KCTD8: variants seen among roughly 807,000 people sequenced by gnomAD.
KCTD8 encodes potassium channel tetramerization domain containing 8.
In KCTD8, 27 loss-of-function variants were observed where a neutral mutation model predicts 31.5. The observed-to-expected ratio is 0.86, with a 90% confidence interval of 0.63 to 1.18. KCTD8 has a LOEUF of 1.18. Ranked by LOEUF, KCTD8 falls within the 50% of genes most tolerant of loss-of-function variation. The pLI, the probability that KCTD8 is intolerant of heterozygous loss-of-function variation, is 0.00. For synonymous variants in KCTD8, 290 were observed against 280.0 expected (o/e 1.04, Z -0.36); for missense variants, 658 against 647.7 (o/e 1.02, Z -0.17).
At chr4:44,441,403 C>T (rs542926939) in intron 1 of KCTD8, among the ~76,000 whole-genome samples, 1 of 152,050 alleles carries the variant, frequency 6.6e-6, no homozygotes, top group Non-Finnish European at 1.5e-5. Flanking sequence ...CATAAAATAA[C>T]CCTTCCAGCA....
chr4:44,256,823 C>T (rs2109363833), intron 1 of KCTD8, among the ~76,000 whole-genome samples: 1 of 152,018 alleles, frequency 6.6e-6, no homozygotes, highest in East Asian at 1.9e-4. Flanking sequence ...AAAGGCAGCC[C>T]TGACAACTCA....
At chr4:44,206,608 T>C (rs1714317070) in intron 1 of KCTD8, among the ~76,000 whole-genome samples, 2 of 152,194 alleles carry the variant, frequency 1.3e-5, no homozygotes, top group Non-Finnish European at 2.9e-5. Context: ...TCCTTTGCCC[T>C]CTGGGAGCCA....
In KCTD8 at chr4:44,416,153, C is replaced by A. The variant is rs183594154; in HGVS notation, c.961+31410G>T. On this transcript the variant is annotated intron_variant, in intron 1 of 1. Coordinates refer to ENST00000360029, the MANE Select transcript of KCTD8 (RefSeq NM_198353.3). ...TTTCGAGCTATAAGATTTAATGATGCCCTGCTAGATTTCAGATTTTTATGG... is the reference window on the plus strand; with the variant it reads ...TTTCGAGCTATAAGATTTAATGATGACCTGCTAGATTTCAGATTTTTATGG... Among the ~76,000 whole-genome samples the A allele has an allele frequency of 9.1e-4, 139 of 152,312 alleles. 1 individual carries two copies. Among genetic ancestry groups the A allele is most frequent in the African/African-American group, 3.1e-3 (127 of 41,574 alleles).
intron 1 of KCTD8, among the ~76,000 whole-genome samples, chr4:44,256,881 G>A (rs968705409): frequency 6.6e-6 from 1 of 151,958 alleles, no homozygotes; most frequent in Non-Finnish European, 1.5e-5. Context: ...AATTTGTATT[G>A]TTGAAGCCAC....
intron 1 of KCTD8, among the ~76,000 whole-genome samples, chr4:44,266,211 A>G (rs963618401): frequency 7.2e-5 from 11 of 152,224 alleles, no homozygotes; most frequent in African/African-American, 2.7e-4. Flanking sequence ...GAAACTCTAC[A>G]AGCCAGAAGA....
intron 1 of KCTD8, among the ~76,000 whole-genome samples, chr4:44,204,356 C>T (rs1312693526): frequency 1.3e-5 from 2 of 151,952 alleles, no homozygotes; most frequent in Admixed American, 1.3e-4. Flanking sequence ...GGCACCACAC[C>T]CTGGGCCTAG....
intron 1 of KCTD8, among the ~76,000 whole-genome samples, chr4:44,411,675 C>G (rs1320068198): frequency 6.6e-6 from 1 of 151,980 alleles, no homozygotes; most frequent in Non-Finnish European, 1.5e-5. Context: ...GGGATGAAAT[C>G]ATACTGGAGT....
chr4:44,335,895 A>C (rs1018499861), intron 1 of KCTD8, among the ~76,000 whole-genome samples: 1 of 152,080 alleles, frequency 6.6e-6, no homozygotes, highest in Non-Finnish European at 1.5e-5. Flanking sequence ...TCACGCCTGT[A>C]ATCCCAGCAC....
At chr4:44,208,783 T>A (rs1280140027) in intron 1 of KCTD8, among the ~76,000 whole-genome samples, 3 of 152,168 alleles carry the variant, frequency 2.0e-5, no homozygotes, top group Non-Finnish European at 4.4e-5. Flanking sequence ...AAGCAAAGGC[T>A]GCATCATTAC....
chr4:44,176,197 T>C (rs1210798685), intron 1 of KCTD8, among the ~76,000 whole-genome samples: 2 of 152,200 alleles, frequency 1.3e-5, no homozygotes, highest in African/African-American at 2.4e-5. Flanking sequence ...AGTCAAACTT[T>C]TGAACAAGTT....
chr4:44,288,244 A>C (rs1193097914), intron 1 of KCTD8, among the ~76,000 whole-genome samples: 1 of 152,164 alleles, frequency 6.6e-6, no homozygotes, highest in East Asian at 1.9e-4. Context: ...TCTAATGTGA[A>C]GGTATAAATC....
In KCTD8 at chr4:44,175,003, T is replaced by TG. The variant is rs1405683830; in HGVS notation, c.1208dup (p.Pro404ThrfsTer8). The TG allele has an allele frequency of 6.2e-7, 1 of 1,614,116 alleles. No individual in the cohort carries two copies. Among genetic ancestry groups the TG allele is most frequent in the South Asian group, 1.1e-5 (1 of 91,084 alleles). On this transcript the variant is annotated frameshift_variant, in exon 2 of 2. Transcript: ENST00000360029. LOFTEE classifies it high-confidence loss of function. Reference sequence around the variant, plus strand: ...GTTCACTGTTTCTGCGTTTGTCTGGTGGGGGTATCCATTGTACAGGTGCTT... The same window carrying TG: ...GTTCACTGTTTCTGCGTTTGTCTGGTGGGGGGTATCCATTGTACAGGTGCTT...
intron 1 of KCTD8, among the ~76,000 whole-genome samples, chr4:44,380,775 G>A (rs1196732050): frequency 6.6e-6 from 1 of 151,736 alleles, no homozygotes; most frequent in Non-Finnish European, 1.5e-5. Flanking sequence ...TATGTTTTAT[G>A]TCTAGATTGA....
At chr4:44,293,693 T>G (rs1408359479) in intron 1 of KCTD8, 3 of 381,850 alleles carry the variant, frequency 7.9e-6, no homozygotes, top group African/African-American at 2.1e-5. Context: ...TGAGGGAAAT[T>G]TTTTAAAACC....
At chr4:44,330,686 A>G (rs987332556) in intron 1 of KCTD8, among the ~76,000 whole-genome samples, 1 of 151,922 alleles carries the variant, frequency 6.6e-6, no homozygotes, top group African/African-American at 2.4e-5. Context: ...GCCTCGGTGA[A>G]TATGTCTATA....
At chr4:44,187,752 G>C (rs1384125875) in intron 1 of KCTD8, among the ~76,000 whole-genome samples, 1 of 152,162 alleles carries the variant, frequency 6.6e-6, no homozygotes, top group African/African-American at 2.4e-5. Context: ...AACATGTCTG[G>C]TGGCTCCGGG....
chr4:44,371,376 C>G (rs537518590), intron 1 of KCTD8, among the ~76,000 whole-genome samples: 2 of 152,252 alleles, frequency 1.3e-5, no homozygotes, highest in African/African-American at 4.8e-5. Flanking sequence ...GCCATTACAA[C>G]CACAAAACTT....
chr4:44,198,499 A>G (rs1226648311), intron 1 of KCTD8, among the ~76,000 whole-genome samples: 1 of 152,152 alleles, frequency 6.6e-6, no homozygotes, highest in Admixed American at 6.5e-5. Flanking sequence ...TTGGGGGCAT[A>G]TTTTCAGCAT....
At chr4:44,186,479 G>A (rs943814869) in intron 1 of KCTD8, among the ~76,000 whole-genome samples, 2 of 152,168 alleles carry the variant, frequency 1.3e-5, no homozygotes, top group Admixed American at 1.3e-4. Flanking sequence ...CTGTCCTTGC[G>A]ATAAGGCAGA....
Sources: allele counts gnomAD v4.1 joint callset (sites outside exome capture counted in the v4.1 genomes callset), GRCh38; gene constraint gnomAD v4.1.1; transcripts MANE v1.5; gene names NCBI Gene and HGNC (gene_info 2026-07-23, HGNC 2026-07-21).